The following LARGE1 variants were observed in gnomAD, a reference collection of about 807,000 sequenced individuals.
LARGE1 encodes the protein LARGE xylosyl- and glucuronyltransferase 1, also known as xylosyl- and glucuronyltransferase LARGE1.
In LARGE1, 43 loss-of-function variants were observed where a neutral mutation model predicts 87.6. That is an observed-to-expected ratio of 0.49 (90% CI 0.38 to 0.63). The LOEUF is 0.63. LARGE1 is among the 30% of genes least tolerant of loss of function. The pLI is 0.00. For synonymous variants in LARGE1, 434 were observed against 394.6 expected, an observed-to-expected ratio of 1.10 and a Z score of -1.18; for missense variants, 802 against 1,000.2, an observed-to-expected ratio of 0.80 and a Z score of 2.67.
At chr22:33,679,529 C>T (rs186188110) in intron 2 of LARGE1, among the ~76,000 whole-genome samples, 47 of 152,044 alleles carry the variant, frequency 3.1e-4, no homozygotes, top group Non-Finnish European at 5.9e-4. Context: ...CATGCTGCCA[C>T]AAGCCAAAGA....
intron 5 of LARGE1, among the ~76,000 whole-genome samples, chr22:33,570,246 TCA>T (rs2078156122): frequency 6.6e-6 from 1 of 152,166 alleles, no homozygotes; most frequent in South Asian, 2.1e-4. Flanking sequence ...ACTTCTCCTC[TCA>T]GTGAATGCCT....
chr22:33,722,936 A>G (rs1184606204), intron 2 of LARGE1, among the ~76,000 whole-genome samples: 3 of 152,108 alleles, frequency 2.0e-5, no homozygotes, highest in African/African-American at 7.2e-5. Flanking sequence ...ATGACGTTGT[A>G]AAGGGAAATT....
chr22:33,286,300 G>T (rs1931524186), intron 12 of LARGE1, among the ~76,000 whole-genome samples: 1 of 152,230 alleles, frequency 6.6e-6, no homozygotes, highest in Non-Finnish European at 1.5e-5. Context: ...TAGGGGCAGA[G>T]CTAGGCTATT....
At chr22:33,653,658 G>A (rs2080883213) in intron 2 of LARGE1, among the ~76,000 whole-genome samples, 1 of 152,164 alleles carries the variant, frequency 6.6e-6, no homozygotes, top group South Asian at 2.1e-4. Flanking sequence ...GTCCCTTATT[G>A]GGAGGCGCTT....
intron 10 of LARGE1, among the ~76,000 whole-genome samples, chr22:33,326,364 T>A (rs1264460948): frequency 2.0e-5 from 3 of 152,210 alleles, no homozygotes; most frequent in African/African-American, 7.2e-5. Flanking sequence ...CTTGTATTAT[T>A]CCTATGGTCT....
chr22:33,288,487 T>C (rs1292804576), intron 12 of LARGE1, among the ~76,000 whole-genome samples: 1 of 152,182 alleles, frequency 6.6e-6, no homozygotes, highest in Non-Finnish European at 1.5e-5. Context: ...CTCTGCATAT[T>C]GATACATATA....
chr22:33,574,849 G>T (rs1483916894), intron 5 of LARGE1, among the ~76,000 whole-genome samples: 1 of 152,036 alleles, frequency 6.6e-6, no homozygotes, highest in African/African-American at 2.4e-5. Flanking sequence ...AGGACCATAT[G>T]CCATACAAAA....
At chr22:33,641,033 C>A (rs1174033327) in intron 3 of LARGE1, among the ~76,000 whole-genome samples, 1 of 152,190 alleles carries the variant, frequency 6.6e-6, no homozygotes, top group African/African-American at 2.4e-5. Flanking sequence ...CTGAAGAGAG[C>A]AGCCCATCTC....
At chr22:33,531,282 C>T (rs893056411) in intron 6 of LARGE1, among the ~76,000 whole-genome samples, 30 of 152,064 alleles carry the variant, frequency 2.0e-4, no homozygotes, top group African/African-American at 5.8e-4. Context: ...CTCAGCCTCC[C>T]GAATAGCTGG....
At chr22:33,871,142 A>G (rs1163914262) in intron 1 of LARGE1, among the ~76,000 whole-genome samples, 2 of 152,238 alleles carry the variant, frequency 1.3e-5, no homozygotes, top group African/African-American at 4.8e-5. Flanking sequence ...TTCATGGCAC[A>G]AATAAATTAA....
intron 1 of LARGE1, chr22:33,889,070 T>A (rs898317392): frequency 6.6e-6 from 1 of 152,282 alleles, no homozygotes; most frequent in East Asian, 1.9e-4. Context: ...AAAGAAAGCA[T>A]ATACTGTAAT....
Position 33,587,949 on chromosome 22 carries a change from A to C in LARGE1, c.615+16486T>G, listed in dbSNP as rs1419197910. Among the ~76,000 whole-genome samples, 3 of 152,208 alleles carry C rather than the reference A, an allele frequency of 2.0e-5. No individual in the cohort carries two copies. In the East Asian group the frequency reaches 5.8e-4, roughly 29 times the overall value. ...ATGCCTTTTGTTGGAAAATCCATTC[A>C]TTCTCTACAGGTTGGAAATTCTTTC... On this transcript the variant is annotated intron_variant, in intron 5 of 14. Coordinates refer to ENST00000397394, the MANE Select transcript of LARGE1 (RefSeq NM_133642.5).
At chr22:33,706,160 G>A (rs2082556649) in intron 2 of LARGE1, among the ~76,000 whole-genome samples, 1 of 152,228 alleles carries the variant, frequency 6.6e-6, no homozygotes, top group South Asian at 2.1e-4. Context: ...TGCTGGCTGT[G>A]TGTCGTTTGA....
intron 4 of LARGE1, among the ~76,000 whole-genome samples, chr22:33,622,631 G>A (rs1452872505): frequency 6.6e-6 from 1 of 152,124 alleles, no homozygotes; most frequent in East Asian, 1.9e-4. Flanking sequence ...TGGGCTGTAC[G>A]TAAGGCAGAT....
Position 33,761,284 on chromosome 22 carries a change from T to A in LARGE1, c.106+87A>T. On this transcript the variant is annotated intron_variant, in intron 2 of 14. Transcript: ENST00000397394. ...ACTGGAAATACATATTCCTATTAGA[T>A]GGCTTTGAGTTTCTTTTCTAGGGTT... 3 of 1,032,958 alleles carry A rather than the reference T, an allele frequency of 2.9e-6. No homozygotes were observed. The South Asian group carries it at 3.8e-5, about 13-fold the overall frequency. The allele number at this position is 1,032,958 out of a possible 1,614,324, so 64.0% of individuals were successfully genotyped here. A position where few individuals can be genotyped will look rare whatever the true frequency, so the allele number is the denominator to read the frequency against.
At chr22:33,223,982 G>A (rs1427599753) in intron 11 of LARGE1, among the ~76,000 whole-genome samples, 1 of 152,164 alleles carries the variant, frequency 6.6e-6, no homozygotes. Context: ...CAACAGCCTA[G>A]CACAGTGAGG....
intron 9 of LARGE1, among the ~76,000 whole-genome samples, chr22:33,343,439 G>A (rs1300861201): frequency 6.6e-6 from 1 of 152,020 alleles, no homozygotes; most frequent in East Asian, 1.9e-4. Context: ...GGTTTTTTAT[G>A]TATGTATGTA....
intron 2 of LARGE1, among the ~76,000 whole-genome samples, chr22:33,680,574 G>C (rs2081734553): frequency 6.6e-6 from 1 of 152,136 alleles, no homozygotes; most frequent in Non-Finnish European, 1.5e-5. Flanking sequence ...AAACCTTTGG[G>C]AAGGTCGTGA....
chr22:33,765,589 C>T (rs1176033576), intron 1 of LARGE1, among the ~76,000 whole-genome samples: 1 of 151,398 alleles, frequency 6.6e-6, no homozygotes, highest in Non-Finnish European at 1.5e-5. Flanking sequence ...CCTGTAATCC[C>T]AGCTACTTGG....
Sources: allele counts gnomAD v4.1 joint callset (sites outside exome capture counted in the v4.1 genomes callset), GRCh38; gene constraint gnomAD v4.1.1; transcripts MANE v1.5; gene names NCBI Gene and HGNC (gene_info 2026-07-23, HGNC 2026-07-21).